The following SUMF1 variants were observed in gnomAD, a reference collection of about 807,000 sequenced individuals.
The protein encoded by SUMF1 is formylglycine-generating enzyme.
SUMF1 carries 48 observed loss-of-function variants against 47.6 expected under a neutral mutation model. The observed-to-expected ratio is 1.01, with a 90% CI of 0.80 to 1.28. SUMF1 has a LOEUF of 1.28. Ranked by LOEUF, SUMF1 falls within the 50% of genes most tolerant of loss-of-function variation. The pLI is 0.00. For missense variants in SUMF1, 571 were observed against 485.4 expected (o/e 1.18, Z -1.66); for synonymous variants, 230 against 192.1 (o/e 1.20, Z -1.63).
At chr3:4,112,018 T>A (rs1693319224) in intron 8 of SUMF1, among the ~76,000 whole-genome samples, 1 of 152,100 alleles carries the variant, frequency 6.6e-6, no homozygotes, top group African/African-American at 2.4e-5. Flanking sequence ...AGGAAAGGCA[T>A]GAGAAAACAG....
chr3:4,163,290 A>G (rs1087727), intron 8 of SUMF1, among the ~76,000 whole-genome samples: 51,166 of 144,736 alleles, frequency 0.35, 9,155 homozygotes, highest in East Asian at 0.41. Context: ...ACCAAAGCAG[A>G]CTTAATCTCC....
intron 8 of SUMF1, among the ~76,000 whole-genome samples, chr3:4,210,325 G>C (rs868678686): frequency 1.7e-4 from 26 of 152,140 alleles, no homozygotes; most frequent in Middle Eastern, 6.8e-3. Flanking sequence ...AGATGACCTA[G>C]AAAAGCCAAT....
intron 8 of SUMF1, among the ~76,000 whole-genome samples, chr3:4,105,311 G>A (rs556548168): frequency 9.9e-5 from 15 of 152,112 alleles, no homozygotes; most frequent in Non-Finnish European, 1.9e-4. Flanking sequence ...GAGATCTCTC[G>A]CATAGGCTGG....
rs566631758 is a variant in SUMF1, at chr3:4,367,839, G to C, written c.1015-5585C>G. 4.0e-5 allele frequency among the ~76,000 whole-genome samples: 6 copies of C among 151,684 alleles called. No individual in the cohort carries two copies. In the East Asian group the frequency reaches 1.2e-3, roughly 29 times the overall value. ...ACACCTTATACAAAAATTAATTCAA[G>C]ATGGATTAAAGACTTAAACGTTAGA... On this transcript the variant is annotated intron_variant, in intron 8 of 8. Coordinates refer to ENST00000272902, the MANE Select transcript of SUMF1 (RefSeq NM_182760.4).
intron 8 of SUMF1, among the ~76,000 whole-genome samples, chr3:4,364,871 A>C (rs1027448698): frequency 6.0e-5 from 9 of 150,562 alleles, no homozygotes; most frequent in African/African-American, 2.2e-4. Flanking sequence ...TAGTGCTATA[A>C]ATTTCCCTCT....
Position 4,449,079 on chromosome 3 carries a change from T to C in SUMF1, c.519+187A>G, listed in dbSNP as rs148503712. The stretch of plus-strand genomic sequence containing the variant: ...AGACCCATCACTTCCTCAGATACCA[T>C]CTTGTCCCATTTTCCTTAAGATAAG... On this transcript the variant is annotated intron_variant, in intron 3 of 8. Transcript: ENST00000272902. Among the ~76,000 whole-genome samples, 110 of 152,308 alleles carry C rather than the reference T, an allele frequency of 7.2e-4. No homozygotes were observed. Among genetic ancestry groups the C allele is most frequent in the African/African-American group, 2.5e-3 (104 of 41,572 alleles).
chr3:4,395,350 C>T (rs1701007015), intron 7 of SUMF1, among the ~76,000 whole-genome samples: 1 of 151,962 alleles, frequency 6.6e-6, no homozygotes, highest in Non-Finnish European at 1.5e-5. Context: ...TAATGTCCAA[C>T]GTGAAAAAAT....
At chr3:4,295,659 CGTGA>C (rs1697836068) in intron 8 of SUMF1, among the ~76,000 whole-genome samples, 1 of 152,146 alleles carries the variant, frequency 6.6e-6, no homozygotes, top group South Asian at 2.1e-4. Context: ...ATATGTTTTC[CGTGA>C]GTGAAATTAA....
chr3:4,143,229 G>T (rs114385964), intron 8 of SUMF1, among the ~76,000 whole-genome samples: 2,537 of 152,182 alleles, frequency 0.017, 77 homozygotes, highest in African/African-American at 0.057. Context: ...AACAGAAAAT[G>T]CCCATTAAAT....
chr3:4,313,718 C>T (rs1245972193), intron 8 of SUMF1: 1 of 1,614,060 alleles, frequency 6.2e-7, no homozygotes, highest in African/African-American at 1.3e-5. Context: ...ATGTGTGGCT[C>T]AGCCCCTTCT....
At chr3:4,288,674 T>C (rs1697682371) in intron 8 of SUMF1, among the ~76,000 whole-genome samples, 1 of 152,112 alleles carries the variant, frequency 6.6e-6, no homozygotes, top group South Asian at 2.1e-4. Flanking sequence ...GGCATGCACC[T>C]GTAATCCCAG....
chr3:4,215,043 T>G (rs1695888003), intron 8 of SUMF1, among the ~76,000 whole-genome samples: 1 of 152,114 alleles, frequency 6.6e-6, no homozygotes, highest in Non-Finnish European at 1.5e-5. Context: ...CCTAACTCAT[T>G]TTATGAGGCC....
At chr3:4,220,974 A>G (rs984568111) in intron 8 of SUMF1, among the ~76,000 whole-genome samples, 3 of 152,124 alleles carry the variant, frequency 2.0e-5, no homozygotes, top group African/African-American at 7.2e-5. Flanking sequence ...GGAACTATAA[A>G]TTGGCTTAGC....
intron 8 of SUMF1, among the ~76,000 whole-genome samples, chr3:4,082,077 C>T (rs1009560176): frequency 1.3e-5 from 2 of 152,112 alleles, no homozygotes; most frequent in Non-Finnish European, 2.9e-5. Flanking sequence ...TGATCAAGCA[C>T]ATATGGGAAA....
chr3:4,176,961 A>C (rs145647162), intron 8 of SUMF1, among the ~76,000 whole-genome samples: 2,304 of 152,314 alleles, frequency 0.015, 61 homozygotes, highest in African/African-American at 0.052. Context: ...CATAATGGTA[A>C]AGGGATCAAT....
intron 8 of SUMF1, among the ~76,000 whole-genome samples, chr3:4,122,476 T>G (rs188551402): frequency 1.3e-5 from 2 of 152,158 alleles, no homozygotes. Flanking sequence ...TGGGACCAGA[T>G]AGAGGCAGTG....
At chr3:4,133,429 C>A (rs1042809018) in intron 8 of SUMF1, among the ~76,000 whole-genome samples, 1 of 152,060 alleles carries the variant, frequency 6.6e-6, no homozygotes, top group Non-Finnish European at 1.5e-5. Flanking sequence ...ATAGTTAATA[C>A]TAAGTGTCAA....
At chr3:4,150,156 G>GC (rs200193822) in intron 8 of SUMF1, among the ~76,000 whole-genome samples, 44,484 of 149,038 alleles carry the variant, frequency 0.3, 6,820 homozygotes, top group East Asian at 0.4. Flanking sequence ...GTGCACTGGC[G>GC]TATTATAGCT....
rs536913860 is a variant in SUMF1 at position 4,123,836 on chromosome 3, G to GA, written c.1015-55092dup. On this transcript the variant is annotated intron_variant and NMD_transcript_variant, in intron 8 of 12. Coordinates refer to the SUMF1 transcript ENST00000448413. ...CTTGTATATGATATATATGGGGGCA[G>GA]AGGAGAGTAGGGCTCAGAGAGAAAG... 3.7e-3 allele frequency among the ~76,000 whole-genome samples: 568 copies of GA among 152,244 alleles called. 1 individual carries two copies. Among genetic ancestry groups the GA allele is most frequent in the Middle Eastern group, 0.01 (3 of 294 alleles).
Sources: gnomAD v4.1 joint callset for allele counts (sites outside exome capture counted in the v4.1 genomes callset) on GRCh38, gnomAD v4.1.1 for gene constraint, MANE v1.5 for transcripts, NCBI Gene and HGNC (gene_info 2026-07-23, HGNC 2026-07-21) for gene names.